C12orf42: variants seen among roughly 807,000 people sequenced by gnomAD.
C12orf42 encodes the protein uncharacterized protein C12orf42.
C12orf42 carries 25 observed loss-of-function variants against 21.6 expected under a neutral mutation model. That is an observed-to-expected ratio of 1.16 (90% CI 0.84 to 1.62). The LOEUF (loss-of-function observed/expected upper bound fraction) is 1.62. C12orf42 is among the 40% of genes most tolerant of loss of function. The probability of loss-of-function intolerance (pLI) is 0.00; values close to 1 mark genes in which losing one functional copy is unlikely to be tolerated. For synonymous variants in C12orf42, 174 were observed against 175.0 expected (o/e 0.99, Z 0.05); for missense variants, 483 against 459.3 (o/e 1.05, Z -0.47).
chr12:103,495,437 TC>T (rs1363862233), intron 1 of C12orf42, among the ~76,000 whole-genome samples: 1 of 130,276 alleles, frequency 7.7e-6, no homozygotes, highest in African/African-American at 2.8e-5. Context: ...CCCCCACCCC[TC>T]CCCCTTCCTG....
intron 2 of C12orf42, among the ~76,000 whole-genome samples, chr12:103,443,104 T>C (rs1269849844): frequency 6.6e-6 from 1 of 152,106 alleles, no homozygotes; most frequent in East Asian, 1.9e-4. Context: ...TATATTAGAA[T>C]AAACTGAAAT....
the C12orf42 span, among the ~76,000 whole-genome samples, chr12:103,159,968 T>C: frequency 6.6e-6 from 1 of 152,228 alleles, no homozygotes; most frequent in South Asian, 2.1e-4. Context: ...GATTGGCTAA[T>C]CCAGAAGTGT....
intron 2 of C12orf42, among the ~76,000 whole-genome samples, chr12:103,425,111 C>T (rs1949697919): frequency 6.6e-6 from 1 of 152,190 alleles, no homozygotes; most frequent in Non-Finnish European, 1.5e-5. Flanking sequence ...TCGGCAAAGC[C>T]ACTGTAGCCA....
chr12:103,294,875 T>C (rs1221047538), intron 4 of C12orf42, among the ~76,000 whole-genome samples: 4 of 152,114 alleles, frequency 2.6e-5, no homozygotes, highest in African/African-American at 9.7e-5. Flanking sequence ...GGCATAATAG[T>C]ACCCATTAGT....
chr12:103,561,457 C>G, the C12orf42 span, among the ~76,000 whole-genome samples: 2 of 152,140 alleles, frequency 1.3e-5, no homozygotes, highest in Admixed American at 6.5e-5. Context: ...AGACATCCAA[C>G]TTATCAATGT....
At chr12:103,527,135 G>GA in the C12orf42 span, among the ~76,000 whole-genome samples, 1 of 151,980 alleles carries the variant, frequency 6.6e-6, no homozygotes, top group African/African-American at 2.4e-5. Flanking sequence ...AACGAGATGG[G>GA]AAGCAAGTCT....
chr12:103,193,878 C>T, the C12orf42 span, among the ~76,000 whole-genome samples: 4 of 152,034 alleles, frequency 2.6e-5, no homozygotes, highest in African/African-American at 9.7e-5. Flanking sequence ...GGCACCAACA[C>T]AAAACTATAG....
chr12:103,286,939 C>CAAA lies in C12orf42; in HGVS notation n.338-9732_338-9730dup, dbSNP rs34697864. The stretch of plus-strand genomic sequence containing the variant: ...TGGGCGACAGAGCGAGACTCCGTCT[C>CAAA]AAAAAAAAAAAAAATGCTCATCATC... On this transcript the variant is annotated intron_variant and non_coding_transcript_variant, in intron 4 of 6. Coordinates refer to the C12orf42 transcript ENST00000546526. 3.2e-4 allele frequency among the ~76,000 whole-genome samples: 43 copies of CAAA among 134,244 alleles called. 1 individual carries two copies. The highest frequency in any genetic ancestry group is 7.6e-4 in the African/African-American group (29 of 38,282). 88.1% of individuals were successfully genotyped at this position (134,244 alleles called of 152,430 possible). A position where few individuals can be genotyped will look rare whatever the true frequency, so the allele number is the denominator to read the frequency against.
chr12:103,465,187 T>C (rs1034194245), intron 2 of C12orf42, among the ~76,000 whole-genome samples: 1 of 152,172 alleles, frequency 6.6e-6, no homozygotes, highest in African/African-American at 2.4e-5. Flanking sequence ...TAAATTACTT[T>C]GAGTAGTATG....
intron 3 of C12orf42, among the ~76,000 whole-genome samples, 191 bp from the exon 4 acceptor site, chr12:103,369,189 C>T (rs1282846190): frequency 6.6e-6 from 1 of 151,890 alleles, no homozygotes; most frequent in Non-Finnish European, 1.5e-5. Context: ...ATGCACATTC[C>T]TCTTATGTAT....
intron 10 of C12orf42, among the ~76,000 whole-genome samples, chr12:103,243,182 C>A (rs548622057): frequency 3.3e-5 from 5 of 152,092 alleles, no homozygotes; most frequent in African/African-American, 1.2e-4. Context: ...CACCACCATG[C>A]CCAGCTATTT....
At chr12:103,281,484 T>A (rs2036114588) in intron 4 of C12orf42, among the ~76,000 whole-genome samples, 1 of 151,992 alleles carries the variant, frequency 6.6e-6, no homozygotes, top group Admixed American at 6.6e-5. Context: ...TGCCTCAGCC[T>A]CCCAAGTAGC....
At chr12:103,256,052 CAAAAAAAAAAAAAAAAA>C (rs1161719991) in intron 10 of C12orf42, among the ~76,000 whole-genome samples, 5 of 17,530 alleles carry the variant, frequency 2.9e-4, no homozygotes, top group South Asian at 4.0e-3. Context: ...GACTCTGTCT[CAAAAAAAAAAAAAAAAA>C]AAAAAAAAAA....
downstream of C12orf42, among the ~76,000 whole-genome samples, chr12:103,232,814 CA>C (rs2033344267): frequency 6.6e-6 from 1 of 151,640 alleles, no homozygotes; most frequent in Non-Finnish European, 1.5e-5. Context: ...CGTCTAGGTT[CA>C]TTTTTTTTGC....
chr12:103,238,591 C>T (rs1327354080), intron 10 of C12orf42, among the ~76,000 whole-genome samples: 1 of 152,184 alleles, frequency 6.6e-6, no homozygotes. Context: ...GGATAAACTC[C>T]AGCTGGAAAA....
the C12orf42 span, among the ~76,000 whole-genome samples, chr12:103,560,760 T>C: frequency 6.6e-6 from 1 of 152,226 alleles, no homozygotes; most frequent in African/African-American, 2.4e-5. Context: ...GCAAAGTCCA[T>C]GACTCATCTT....
At chr12:103,545,240 G>C in the C12orf42 span, among the ~76,000 whole-genome samples, 3 of 152,102 alleles carry the variant, frequency 2.0e-5, no homozygotes, top group Non-Finnish European at 4.4e-5. Flanking sequence ...TTTAAATTGG[G>C]AATAAGACTA....
chr12:103,421,578 T>TAAAA (rs2049907153), intron 2 of C12orf42, among the ~76,000 whole-genome samples: 1 of 147,222 alleles, frequency 6.8e-6, no homozygotes, highest in African/African-American at 2.5e-5. Context: ...TGTCAATAAA[T>TAAAA]ATAAATAAAT....
At chr12:103,462,074 TTTTTG>T (rs1461064386) in intron 2 of C12orf42, among the ~76,000 whole-genome samples, 1 of 149,924 alleles carries the variant, frequency 6.7e-6, no homozygotes, top group African/African-American at 2.5e-5. Flanking sequence ...GTTATTTCCA[TTTTTG>T]TTTTGTTTTT....
Sources: allele counts gnomAD v4.1 joint callset (sites outside exome capture counted in the v4.1 genomes callset), GRCh38; gene constraint gnomAD v4.1.1; transcripts MANE v1.5; gene names NCBI Gene and HGNC (gene_info 2026-07-23, HGNC 2026-07-21).